The following EPHA6 variants were observed in gnomAD, a reference collection of about 807,000 sequenced individuals.
EPHA6 encodes the protein ephrin type-A receptor 6.
In EPHA6, 50 loss-of-function variants were observed where a neutral mutation model predicts 112.0. The observed-to-expected ratio is 0.45, with a 90% CI of 0.36 to 0.56. EPHA6 has a LOEUF of 0.56. EPHA6 is among the 20% of genes least tolerant of loss of function. The probability of loss-of-function intolerance (pLI) is 0.00; values close to 1 mark genes in which losing one functional copy is unlikely to be tolerated. For missense variants in EPHA6, 1,280 were observed against 1,417.4 expected, an observed-to-expected ratio of 0.90 and a Z score of 1.56; for synonymous variants, 529 against 490.7, an observed-to-expected ratio of 1.08 and a Z score of -1.03.
At chr3:96,934,428 TG>T (rs1199601765) in intron 2 of EPHA6, among the ~76,000 whole-genome samples, 1 of 151,824 alleles carries the variant, frequency 6.6e-6, no homozygotes, top group African/African-American at 2.4e-5. Context: ...AGTGATCATT[TG>T]TTTCCAGAAC....
At chr3:96,926,515 C>T (rs2040043487) in intron 2 of EPHA6, among the ~76,000 whole-genome samples, 1 of 152,172 alleles carries the variant, frequency 6.6e-6, no homozygotes, top group African/African-American at 2.4e-5. Flanking sequence ...AAAGTCTCAT[C>T]TGAGACAAGA....
In EPHA6 at chr3:97,517,580, G is replaced by T. The variant is rs939229711; in HGVS notation, c.2201-14778G>T. Among the ~76,000 whole-genome samples, 9 of 151,942 alleles carry T rather than the reference G, an allele frequency of 5.9e-5. 1 individual carries two copies. The highest frequency in any genetic ancestry group is 2.2e-4 in the African/African-American group (9 of 41,398). On this transcript the variant is annotated intron_variant, in intron 10 of 17. Coordinates refer to ENST00000389672, the MANE Select transcript of EPHA6 (RefSeq NM_001080448.3). ...AATTAAAAAATTTGTTACTTCACATGCTTATTTTTGTGGTGAAAACATTTA... is the reference window on the plus strand; with the variant it reads ...AATTAAAAAATTTGTTACTTCACATTCTTATTTTTGTGGTGAAAACATTTA...
chr3:97,170,867 G>T (rs1206431911), intron 3 of EPHA6, among the ~76,000 whole-genome samples: 2 of 152,144 alleles, frequency 1.3e-5, no homozygotes, highest in Non-Finnish European at 1.5e-5. Flanking sequence ...GAGAATACAG[G>T]TGTTCCTCAA....
intron 2 of EPHA6, among the ~76,000 whole-genome samples, chr3:96,977,902 T>C (rs977148223): frequency 6.6e-6 from 1 of 152,320 alleles, no homozygotes; most frequent in Admixed American, 6.5e-5. Flanking sequence ...CTCATGCCTG[T>C]AATCCCAGAA....
At chr3:97,583,770 G>A (rs1453661546) in intron 11 of EPHA6, among the ~76,000 whole-genome samples, 1 of 152,056 alleles carries the variant, frequency 6.6e-6, no homozygotes, top group Non-Finnish European at 1.5e-5. Context: ...TTACTTTGTG[G>A]ATATCAACAA....
At chr3:97,282,532 C>A (rs1219713302) in intron 5 of EPHA6, among the ~76,000 whole-genome samples, 2 of 152,142 alleles carry the variant, frequency 1.3e-5, no homozygotes, top group Non-Finnish European at 2.9e-5. Flanking sequence ...AAGATACATG[C>A]ATGCGTATGT....
At position 97,607,856 on chromosome 3, in the gene EPHA6, G is replaced by A. The variant is rs556584803; in HGVS notation, c.2513-2937G>A. Among the ~76,000 whole-genome samples, 5 of 151,254 alleles carry A rather than the reference G, an allele frequency of 3.3e-5. No individual in the cohort carries two copies. The South Asian group carries it at 1.0e-3, about 31-fold the overall frequency. On this transcript the variant is annotated intron_variant, in intron 12 of 17. Transcript: ENST00000389672. ...TCTTCCAAGAGCAATAATGCAATAT[G>A]TAATTTTTACGTACTGGAAAAGACC...
At chr3:97,598,190 T>C (rs1011036932) in intron 12 of EPHA6, among the ~76,000 whole-genome samples, 3 of 151,878 alleles carry the variant, frequency 2.0e-5, no homozygotes, top group Non-Finnish European at 4.4e-5. Context: ...TGTTTGTTTA[T>C]TTTTGCCACT....
At chr3:97,332,001 A>C (rs1419881106) in intron 5 of EPHA6, among the ~76,000 whole-genome samples, 1 of 152,150 alleles carries the variant, frequency 6.6e-6, no homozygotes, top group East Asian at 1.9e-4. Flanking sequence ...CGATGCAAAA[A>C]TCCTCAATAA....
At chr3:97,098,739 G>C (rs1007339316) in intron 3 of EPHA6, among the ~76,000 whole-genome samples, 2 of 151,740 alleles carry the variant, frequency 1.3e-5, no homozygotes, top group African/African-American at 4.8e-5. Context: ...GGAACACTTC[G>C]TAGTCTGTAT....
rs372542110 is a variant in EPHA6, at chr3:97,287,227, CTT to C, written c.1606+42942_1606+42943del. On this transcript the variant is annotated intron_variant, in intron 5 of 17. Coordinates refer to ENST00000389672, the MANE Select transcript of EPHA6 (RefSeq NM_001080448.3). ...ACTTCTTTTTTTCCAATTTAGATGACTTTAATTTTTTTCTCTTGCCTGATTGC... is the reference window on the plus strand; with the variant it reads ...ACTTCTTTTTTTCCAATTTAGATGACTAATTTTTTTCTCTTGCCTGATTGC... 4.9e-3 allele frequency among the ~76,000 whole-genome samples: 753 copies of C among 152,146 alleles called. 6 individuals carry two copies. Among genetic ancestry groups the C allele is most frequent in the African/African-American group, 0.018 (729 of 41,518 alleles).
intron 2 of EPHA6, among the ~76,000 whole-genome samples, chr3:96,877,767 T>C (rs1576213714): frequency 6.6e-6 from 1 of 152,058 alleles, no homozygotes; most frequent in South Asian, 2.1e-4. Flanking sequence ...AAGCAAAACC[T>C]GTTGTGCTAA....
intron 11 of EPHA6, among the ~76,000 whole-genome samples, chr3:97,537,712 G>C (rs1243009023): frequency 6.6e-6 from 1 of 152,058 alleles, no homozygotes; most frequent in Non-Finnish European, 1.5e-5. Context: ...CCAAGTAGCT[G>C]GGATCACAGG....
At chr3:97,153,486 T>G (rs2076216456) in intron 3 of EPHA6, among the ~76,000 whole-genome samples, 1 of 152,118 alleles carries the variant, frequency 6.6e-6, no homozygotes, top group South Asian at 2.1e-4. Flanking sequence ...ATGAATCACT[T>G]TCTAAAAAAT....
Position 96,924,482 on chromosome 3 carries a change from G to A in EPHA6, c.450+57593G>A, listed in dbSNP as rs904803651. 3.3e-5 allele frequency among the ~76,000 whole-genome samples: 5 copies of A among 152,220 alleles called. No individual in the cohort carries two copies. In the South Asian group the frequency reaches 8.3e-4, roughly 25 times the overall value. ...GTGTATAGGAATGCTAGTGATTTTT[G>A]CATATTGATTTTGGATCCTGAGATT... On this transcript the variant is annotated intron_variant, in intron 2 of 17. Coordinates refer to ENST00000389672, the MANE Select transcript of EPHA6 (RefSeq NM_001080448.3).
At chr3:97,091,987 CTGATGGGTTGAG>C (rs2047080868) in intron 3 of EPHA6, among the ~76,000 whole-genome samples, 1 of 150,756 alleles carries the variant, frequency 6.6e-6, no homozygotes, top group Admixed American at 6.6e-5. Flanking sequence ...CACTTGCTTT[CTGATGGGTTGAG>C]AACCACTGTG....
chr3:97,332,976 A>T (rs2082871938), intron 5 of EPHA6, among the ~76,000 whole-genome samples: 1 of 151,990 alleles, frequency 6.6e-6, no homozygotes. Context: ...ATTTTAGAAA[A>T]TGCTTGTCTA....
chr3:96,921,414 A>T (rs1380986712), intron 2 of EPHA6, among the ~76,000 whole-genome samples: 6 of 152,158 alleles, frequency 3.9e-5, no homozygotes, highest in Non-Finnish European at 5.9e-5. Flanking sequence ...CATTTTAAAG[A>T]TGATTGCTTT....
intron 3 of EPHA6, among the ~76,000 whole-genome samples, chr3:97,049,221 A>G (rs971373568): frequency 2.0e-5 from 3 of 152,202 alleles, no homozygotes; most frequent in Admixed American, 2.0e-4. Flanking sequence ...AAATTTGATC[A>G]GATAAGTGTT....
Sources: gnomAD v4.1 joint callset for allele counts (sites outside exome capture counted in the v4.1 genomes callset) on GRCh38, gnomAD v4.1.1 for gene constraint, MANE v1.5 for transcripts, NCBI Gene and HGNC (gene_info 2026-07-23, HGNC 2026-07-21) for gene names.